Variants in SLC43A2 observed in about 807,000 individuals in gnomAD.
SLC43A2 encodes the protein large neutral amino acids transporter small subunit 4.
SLC43A2 carries 38 observed loss-of-function variants against 63.2 expected under a neutral mutation model. The observed-to-expected ratio is 0.60, with a 90% CI of 0.46 to 0.79. SLC43A2 has a LOEUF of 0.79. Ranked by LOEUF, SLC43A2 falls within the 30% of genes least tolerant of loss-of-function variation. The pLI is 0.00. For missense variants in SLC43A2, 644 were observed against 756.2 expected (o/e 0.85, Z 1.74); for synonymous variants, 322 against 331.0 (o/e 0.97, Z 0.30).
At chr17:1,613,069 T>C in intron 5 of SLC43A2, 126 bp downstream of exon 5, 1 of 833,678 alleles carries the variant, frequency 1.2e-6, no homozygotes, top group Non-Finnish European at 2.0e-6. Context: ...CCATAGCCCC[T>C]CTACTGTTTG....
In SLC43A2 at chr17:1,620,498, C is replaced by T. The variant is rs546275626; in HGVS notation, c.161-3729G>A. On this transcript the variant is annotated intron_variant, in intron 2 of 13. Transcript: ENST00000301335. ...GTCCTTCCCATCTTTTACCCTGGAGCGACTACACACAGGGGCAGGGACCTT... is the reference window on the plus strand; with the variant it reads ...GTCCTTCCCATCTTTTACCCTGGAGTGACTACACACAGGGGCAGGGACCTT... 1.3e-4 allele frequency among the ~76,000 whole-genome samples: 20 copies of T among 152,202 alleles called. No individual in the cohort carries two copies. In the South Asian group the frequency reaches 2.7e-3, roughly 20 times the overall value.
intron 10 of SLC43A2, among the ~76,000 whole-genome samples, chr17:1,584,689 G>C (rs149764680): frequency 2.0e-5 from 3 of 151,262 alleles, no homozygotes; most frequent in Non-Finnish European, 4.4e-5. Flanking sequence ...GCGTGGTGGC[G>C]GGCGCCTGTA....
chr17:1,594,756 T>A (rs1434047811), intron 5 of SLC43A2, among the ~76,000 whole-genome samples: 9 of 151,426 alleles, frequency 5.9e-5, no homozygotes, highest in African/African-American at 1.9e-4. Flanking sequence ...CCCGGCTAAT[T>A]TTTTTGTATT....
rs35157880 is a variant in SLC43A2, at chr17:1,573,176, C to CAAAAAAAAAA, written c.*2418_*2427dup. ...TGGATGGCAGAGCAAGACCCCAACT[C>CAAAAAAAAAA]AAAAAAAAAAAAAAAAAAAAAAAGG... On this transcript the variant is annotated 3_prime_UTR_variant, in exon 14 of 14. Coordinates refer to ENST00000301335, the MANE Select transcript of SLC43A2 (RefSeq NM_152346.3). 1 of 69,300 alleles carries CAAAAAAAAAA rather than the reference C, an allele frequency of 1.4e-5. No homozygotes were observed. Among genetic ancestry groups the CAAAAAAAAAA allele is most frequent in the African/African-American group, 5.6e-5 (1 of 17,768 alleles). 4.3% of individuals were successfully genotyped at this position (69,300 alleles called of 1,614,324 possible).
intron 2 of SLC43A2, among the ~76,000 whole-genome samples, chr17:1,626,085 A>C (rs1908638091): frequency 6.6e-6 from 1 of 151,238 alleles, no homozygotes; most frequent in African/African-American, 2.4e-5. Flanking sequence ...TAAAAAAAAA[A>C]CACACAAAAA....
At chr17:1,627,351 C>T (rs751437917) in intron 2 of SLC43A2, among the ~76,000 whole-genome samples, 1 of 152,190 alleles carries the variant, frequency 6.6e-6, no homozygotes, top group Non-Finnish European at 1.5e-5. Context: ...CACAAGCAGA[C>T]AGCAACATGT....
intron 4 of SLC43A2, among the ~76,000 whole-genome samples, chr17:1,614,567 T>A (rs1598486070): frequency 6.6e-6 from 1 of 152,250 alleles, no homozygotes; most frequent in East Asian, 1.9e-4. Flanking sequence ...GCTCTACAAA[T>A]CCTTGAACAG....
At chr17:1,613,154 C>T (rs1316417955) in intron 5 of SLC43A2, 41 bp downstream of exon 5, 3 of 1,551,572 alleles carry the variant, frequency 1.9e-6, no homozygotes, top group African/African-American at 1.4e-5. Flanking sequence ...AATTTAGAAA[C>T]AGATTACTGA....
chr17:1,584,806 C>A (rs972178993), intron 10 of SLC43A2, among the ~76,000 whole-genome samples: 7 of 144,432 alleles, frequency 4.8e-5, no homozygotes, highest in Non-Finnish European at 7.6e-5. Context: ...GGCGACAGAG[C>A]GAGACTCCGT....
In SLC43A2 at chr17:1,606,434, G is replaced by A. The variant is rs563618389; in HGVS notation, c.501+6761C>T. Among the ~76,000 whole-genome samples, 1 of 152,302 alleles carries A rather than the reference G, an allele frequency of 6.6e-6. No homozygotes were observed. The highest frequency in any genetic ancestry group is 6.5e-5 in the Admixed American group (1 of 15,294). ...AATCCACAGAGAAATGTCTCATCGG[G>A]GAGCCTGGCAACATTTTGAAACCCG... On this transcript the variant is annotated intron_variant, in intron 5 of 13. Coordinates refer to ENST00000301335, the MANE Select transcript of SLC43A2 (RefSeq NM_152346.3). This position sits in a 1 kb window ranked among gnomAD's most constrained non-coding sequence, Gnocchi z 4.7.
At chr17:1,627,988 G>A (rs1908846369) in intron 1 of SLC43A2, 68 bp from the exon 2 acceptor site, 1 of 1,259,454 alleles carries the variant, frequency 7.9e-7, no homozygotes, top group Non-Finnish European at 1.0e-6. Context: ...CAGCAGCCCC[G>A]ACCGCTGCCG....
Position 1,615,001 on chromosome 17 carries a change from C to T in SLC43A2, c.402G>A (p.Ala134=), listed in dbSNP as rs374321900. ...ACFAVSCLLI[A]YGASKPNALS... is the part of the protein sequence containing the mutation. Reference sequence around the variant, plus strand: ...CACCGTTTGGTTTACTTGCTCCGTACGCAATCAGCAAGCAGGAAACCGCGA... The same window carrying T: ...CACCGTTTGGTTTACTTGCTCCGTATGCAATCAGCAAGCAGGAAACCGCGA... The change falls in exon 4 of 14, where the codon GCG becomes GCA. Residue 134 remains alanine, a synonymous_variant. Coordinates refer to ENST00000301335, the MANE Select transcript of SLC43A2 (RefSeq NM_152346.3). The T allele has an allele frequency of 1.5e-5, 24 of 1,613,850 alleles. No individual in the cohort carries two copies. The highest frequency in any genetic ancestry group is 3.3e-5 in the South Asian group (3 of 91,084).
chr17:1,575,190 C>G lies in SLC43A2; in HGVS notation c.*414G>C. 3.5e-6 allele frequency: 1 copy of G among 288,600 alleles called. No homozygotes were observed. The highest frequency in any genetic ancestry group is 6.7e-6 in the Non-Finnish European group (1 of 148,728). 17.9% of individuals were successfully genotyped at this position (288,600 alleles called of 1,614,324 possible). A position where few individuals can be genotyped will look rare whatever the true frequency, so the allele number is the denominator to read the frequency against. On this transcript the variant is annotated 3_prime_UTR_variant, in exon 14 of 14. Coordinates refer to ENST00000301335, the MANE Select transcript of SLC43A2 (RefSeq NM_152346.3). Reference sequence around the variant, plus strand: ...CGGGCGAGACAGTGCAAGCCTTTGTCCTCAGGCAGGTACGGCTGTGGGCAT... The same window carrying G: ...CGGGCGAGACAGTGCAAGCCTTTGTGCTCAGGCAGGTACGGCTGTGGGCAT...
intron 5 of SLC43A2, among the ~76,000 whole-genome samples, chr17:1,599,483 T>G (rs1442031267): frequency 6.6e-6 from 1 of 151,354 alleles, no homozygotes; most frequent in Non-Finnish European, 1.5e-5. Context: ...GTGGATCACT[T>G]GAGGCCAGCA....
rs561796199 is a variant in SLC43A2 at position 1,575,218 on chromosome 17, A to G, written c.*386T>C. 4.4e-4 allele frequency: 144 copies of G among 327,930 alleles called. No individual in the cohort carries two copies. The highest frequency in any genetic ancestry group is 2.8e-3 in the African/African-American group (128 of 45,376). The allele number at this position is 327,930 out of a possible 1,614,324, so 20.3% of individuals were successfully genotyped here. On this transcript the variant is annotated 3_prime_UTR_variant, in exon 14 of 14. Transcript: ENST00000301335. ...CAGGCAGGTACGGCTGTGGGCATGCAGCCGAGGGGCAGGTGGCAGGCAGGG... is the reference window on the plus strand; with the variant it reads ...CAGGCAGGTACGGCTGTGGGCATGCGGCCGAGGGGCAGGTGGCAGGCAGGG...
intron 2 of SLC43A2, among the ~76,000 whole-genome samples, chr17:1,624,256 G>T (rs1567651820): frequency 6.6e-6 from 1 of 152,182 alleles, no homozygotes. Flanking sequence ...GGGCAACATG[G>T]TGAAACCCCT....
At position 1,605,146 on chromosome 17, in the gene SLC43A2, C is replaced by T; in HGVS notation, c.501+8049G>A. ...TCCCACAGCCCCCTCGCCGCCTCTG[C>T]CTCCGTGCGGGTCAACCTGTCCTGC... is the stretch of plus-strand genomic sequence containing the variant. On this transcript the variant is annotated intron_variant, in intron 5 of 13. Transcript: ENST00000301335. This position sits in a 1 kb window ranked among gnomAD's most constrained non-coding sequence, Gnocchi z 4.9. 1 of 1,266,844 alleles carries T rather than the reference C, an allele frequency of 7.9e-7. No individual in the cohort carries two copies. Among genetic ancestry groups the T allele is most frequent in the Middle Eastern group, 3.2e-4 (1 of 3,110 alleles). 78.5% of individuals were successfully genotyped at this position (1,266,844 alleles called of 1,614,324 possible).
At chr17:1,621,116 A>G (rs901667128) in intron 2 of SLC43A2, among the ~76,000 whole-genome samples, 24 of 152,240 alleles carry the variant, frequency 1.6e-4, no homozygotes, top group African/African-American at 4.8e-4. Context: ...GAGGAGACCC[A>G]GGGCCAGGGA....
At position 1,572,104 on chromosome 17, in the gene SLC43A2, G is replaced by A. The variant is rs2075854351; in HGVS notation, c.*3500C>T. On this transcript the variant is annotated 3_prime_UTR_variant, in exon 14 of 14. Coordinates refer to ENST00000301335, the MANE Select transcript of SLC43A2 (RefSeq NM_152346.3). ...TTGTCTTGCTGGTTGGGGTCACCAG[G>A]GATTGCTCCCCCAAGTACCCATCAG... 6.6e-6 allele frequency: 1 copy of A among 152,498 alleles called. No homozygotes were observed. The highest frequency in any genetic ancestry group is 2.4e-5 in the African/African-American group (1 of 41,452). The allele number at this position is 152,498 out of a possible 1,614,324, so 9.4% of individuals were successfully genotyped here.
Sources: gnomAD v4.1 joint callset for allele counts (sites outside exome capture counted in the v4.1 genomes callset) on GRCh38, gnomAD v4.1.1 for gene constraint, Gnocchi (gnomAD v3.1) non-coding constraint, MANE v1.5 for transcripts, NCBI Gene and HGNC (gene_info 2026-07-23, HGNC 2026-07-21) for gene names.